The following TENM3 variants were observed in gnomAD, a reference collection of about 807,000 sequenced individuals.
TENM3 encodes teneurin-3.
In TENM3, 63 loss-of-function variants were observed where a neutral mutation model predicts 255.1. The observed-to-expected ratio is 0.25, with a 90% CI of 0.20 to 0.30. The LOEUF is 0.30. Ranked by LOEUF, TENM3 falls within the 10% of genes least tolerant of loss-of-function variation. The pLI is 1.00. For synonymous variants in TENM3, 1,306 were observed against 1,322.3 expected (o/e 0.99, Z 0.27); for missense variants, 2,929 against 3,461.1 (o/e 0.85, Z 3.86).
At chr4:182,066,898 G>C in the TENM3 span, among the ~76,000 whole-genome samples, 15 of 152,248 alleles carry the variant, frequency 9.9e-5, no homozygotes, top group Admixed American at 2.6e-4. Context: ...GCGACAGAGC[G>C]AGACTCCATC....
intron 5 of TENM3, among the ~76,000 whole-genome samples, chr4:182,652,620 C>T (rs1320785963): frequency 1.3e-5 from 2 of 152,184 alleles, no homozygotes; most frequent in East Asian, 3.8e-4. Flanking sequence ...AGTCTGACTG[C>T]ATCCAAAGCC....
At chr4:181,738,167 A>G in the TENM3 span, among the ~76,000 whole-genome samples, 7 of 152,322 alleles carry the variant, frequency 4.6e-5, no homozygotes, top group East Asian at 1.2e-3. Context: ...CACGAGCTAT[A>G]TACCTGTAAA....
the TENM3 span, among the ~76,000 whole-genome samples, chr4:181,516,656 A>T: frequency 2.0e-5 from 3 of 152,038 alleles, no homozygotes; most frequent in African/African-American, 7.2e-5. Flanking sequence ...CATGCCTGTT[A>T]TCCCAGCTAC....
At chr4:182,738,652 T>C in intron 18 of TENM3, 108 bp downstream of exon 18, 2 of 869,726 alleles carry the variant, frequency 2.3e-6, no homozygotes, top group Non-Finnish European at 3.3e-6. Context: ...ATGCTATCCA[T>C]GCTGTAGGAT....
the TENM3 span, among the ~76,000 whole-genome samples, chr4:181,896,910 T>G: frequency 6.6e-6 from 1 of 152,190 alleles, no homozygotes; most frequent in African/African-American, 2.4e-5. Flanking sequence ...GAGGGCTCAA[T>G]TTAAACCCCA....
At chr4:181,829,463 G>A in the TENM3 span, among the ~76,000 whole-genome samples, 1 of 152,128 alleles carries the variant, frequency 6.6e-6, no homozygotes, top group Admixed American at 6.5e-5. Context: ...CAATAGTTTG[G>A]GGTTTGGTCC....
chr4:181,454,063 A>G, the TENM3 span, among the ~76,000 whole-genome samples: 1 of 152,190 alleles, frequency 6.6e-6, no homozygotes, highest in Non-Finnish European at 1.5e-5. Flanking sequence ...CTGTAAAACC[A>G]GGCTGACATT....
intron 3 of TENM3, among the ~76,000 whole-genome samples, chr4:182,357,715 A>G (rs1477559845): frequency 1.8e-4 from 27 of 150,002 alleles, no homozygotes; most frequent in Admixed American, 1.8e-3. Context: ...GAAGCTCTTT[A>G]GTTTAATTAG....
At chr4:181,486,648 G>A in the TENM3 span, among the ~76,000 whole-genome samples, 3 of 152,144 alleles carry the variant, frequency 2.0e-5, no homozygotes, top group African/African-American at 7.2e-5. Context: ...AAAGTTTATA[G>A]CGGCGCTATT....
chr4:181,610,126 C>G, the TENM3 span, among the ~76,000 whole-genome samples: 1 of 152,156 alleles, frequency 6.6e-6, no homozygotes, highest in African/African-American at 2.4e-5. Context: ...ACCTCTATTT[C>G]GCTGAAAAAT....
the TENM3 span, among the ~76,000 whole-genome samples, chr4:181,781,564 A>T: frequency 1.3e-5 from 2 of 152,152 alleles, no homozygotes; most frequent in Non-Finnish European, 2.9e-5. Flanking sequence ...TCATCTGCAA[A>T]CAGGGACAAT....
At position 182,294,410 on chromosome 4, in the gene TENM3, A is replaced by G. The variant is rs73869913; in HGVS notation, c.-75-29536A>G. Among the ~76,000 whole-genome samples, 1,150 of 151,634 alleles carry G rather than the reference A, an allele frequency of 7.6e-3. 12 individuals carry two copies. The highest frequency in any genetic ancestry group is 0.026 in the African/African-American group (1,082 of 41,242). On this transcript the variant is annotated intron_variant, in intron 1 of 27. Coordinates refer to ENST00000511685, the MANE Select transcript of TENM3 (RefSeq NM_001080477.4). ...TTCACCCTGGTTTTTTTTCACCCTA[A>G]GTGTAAATCCCTAAACAGACTTTTT... is the stretch of plus-strand genomic sequence containing the variant.
At chr4:181,859,259 A>AC in the TENM3 span, among the ~76,000 whole-genome samples, 4 of 146,592 alleles carry the variant, frequency 2.7e-5, no homozygotes, top group Admixed American at 6.9e-5. Context: ...AAAAAAAAAA[A>AC]AAAAAAATCC....
the TENM3 span, among the ~76,000 whole-genome samples, chr4:182,071,094 G>A: frequency 2.2e-4 from 17 of 75,850 alleles, no homozygotes; most frequent in African/African-American, 5.6e-4. Context: ...TTTTTCCCAA[G>A]AAGAACAAAA....
chr4:182,421,524 G>T (rs1770831474), intron 3 of TENM3, among the ~76,000 whole-genome samples: 1 of 152,074 alleles, frequency 6.6e-6, no homozygotes, highest in Admixed American at 6.6e-5. Context: ...ATTTCCCAAA[G>T]AATCCAGAAG....
the TENM3 span, among the ~76,000 whole-genome samples, chr4:181,522,503 ATG>A: frequency 3.9e-5 from 6 of 152,198 alleles, no homozygotes; most frequent in African/African-American, 1.4e-4. Context: ...CTGTGGTGAT[ATG>A]TCTTTCATTA....
chr4:181,950,217 C>T, the TENM3 span, among the ~76,000 whole-genome samples: 1 of 152,174 alleles, frequency 6.6e-6, no homozygotes, highest in African/African-American at 2.4e-5. Flanking sequence ...GAGCACCTTA[C>T]GACCCCCACT....
chr4:181,463,518 T>C, the TENM3 span, among the ~76,000 whole-genome samples: 1 of 152,234 alleles, frequency 6.6e-6, no homozygotes, highest in Non-Finnish European at 1.5e-5. Flanking sequence ...ACTATGTGTT[T>C]ATTTAAGAAC....
In TENM3 at chr4:182,180,130, G is replaced by GT. The variant is rs66892895; in HGVS notation, c.-76+35388dup. On this transcript the variant is annotated intron_variant, in intron 1 of 2. Coordinates refer to the TENM3 transcript ENST00000512480. Reference sequence around the variant, plus strand: ...TTCAGGGTAAAAAAAAAATCGAAGAGTTTTTTTTTTTTAAATCTGAATTTT... The same window carrying GT: ...TTCAGGGTAAAAAAAAAATCGAAGAGTTTTTTTTTTTTTAAATCTGAATTTT... Among the ~76,000 whole-genome samples the GT allele has an allele frequency of 9.2e-4, 136 of 148,230 alleles. 1 individual carries two copies. The highest frequency in any genetic ancestry group is 6.4e-3 in the East Asian group (32 of 5,004).
Sources: gnomAD v4.1 joint callset for allele counts (sites outside exome capture counted in the v4.1 genomes callset) on GRCh38, gnomAD v4.1.1 for gene constraint, MANE v1.5 for transcripts, NCBI Gene and HGNC (gene_info 2026-07-23, HGNC 2026-07-21) for gene names.